Variants in SLC35F3 observed in about 807,000 individuals in gnomAD.
The protein encoded by SLC35F3 is putative thiamine transporter SLC35F3.
Under a neutral mutation model 49.9 loss-of-function variants are expected in SLC35F3, and 25 were observed. That is an observed-to-expected ratio of 0.50 (90% confidence interval 0.37 to 0.70). The LOEUF is 0.70. Among genes scored for constraint, SLC35F3 ranks in the 30% least tolerant of loss-of-function variants. The pLI is 0.00. For synonymous variants in SLC35F3, 275 were observed against 265.4 expected, an observed-to-expected ratio of 1.04 and a Z score of -0.35; for missense variants, 525 against 639.8, an observed-to-expected ratio of 0.82 and a Z score of 1.94.
At chr1:234,133,479 A>G (rs1665763211) in intron 2 of SLC35F3, among the ~76,000 whole-genome samples, 1 of 152,174 alleles carries the variant, frequency 6.6e-6, no homozygotes, top group Non-Finnish European at 1.5e-5. Flanking sequence ...CCAGCAGCTC[A>G]TAGTCAAGTT....
chr1:234,293,915 C>T (rs796465824), intron 3 of SLC35F3, among the ~76,000 whole-genome samples: 47 of 152,318 alleles, frequency 3.1e-4, no homozygotes, highest in African/African-American at 1.1e-3. Flanking sequence ...GGGTCATCTT[C>T]GTCTTACTCC....
intron 2 of SLC35F3, among the ~76,000 whole-genome samples, chr1:233,968,653 T>G (rs1662940458): frequency 6.6e-6 from 1 of 152,046 alleles, no homozygotes; most frequent in South Asian, 2.1e-4. Flanking sequence ...CCCTGCTAAC[T>G]TTTGTATTTT....
At chr1:233,934,269 T>A (rs1403789604) in intron 2 of SLC35F3, among the ~76,000 whole-genome samples, 4 of 152,208 alleles carry the variant, frequency 2.6e-5, no homozygotes, top group African/African-American at 9.7e-5. Flanking sequence ...CCCCAGGGGT[T>A]AATATTCAGT....
intron 2 of SLC35F3, among the ~76,000 whole-genome samples, chr1:234,059,606 T>G (rs1664508271): frequency 3.4e-5 from 5 of 148,272 alleles, no homozygotes; most frequent in African/African-American, 9.8e-5. Context: ...GCTAGAGACA[T>G]AGACATAGAC....
In SLC35F3 at chr1:234,138,607, G is replaced by A. The variant is rs115282822; in HGVS notation, c.284-92810G>A. Among the ~76,000 whole-genome samples, 820 of 152,316 alleles carry A rather than the reference G, an allele frequency of 5.4e-3. 9 individuals carry two copies. The highest frequency in any genetic ancestry group is 0.019 in the African/African-American group (783 of 41,584). Reference sequence around the variant, plus strand: ...GTCTTGCTCTGTCATCCAGGCTGGAGTGCAGTCATAGCTCACGGCAGCCTT... The same window carrying A: ...GTCTTGCTCTGTCATCCAGGCTGGAATGCAGTCATAGCTCACGGCAGCCTT... On this transcript the variant is annotated intron_variant, in intron 2 of 7. Coordinates refer to ENST00000366618, the MANE Select transcript of SLC35F3 (RefSeq NM_173508.4).
intron 2 of SLC35F3, among the ~76,000 whole-genome samples, chr1:234,109,121 C>A (rs1665367410): frequency 6.6e-6 from 1 of 150,768 alleles, no homozygotes; most frequent in Admixed American, 6.6e-5. Flanking sequence ...CTGCTGTGAG[C>A]AGTCTTCTTT....
intron 3 of SLC35F3, among the ~76,000 whole-genome samples, chr1:234,295,926 C>G (rs1483319713): frequency 3.3e-5 from 5 of 152,200 alleles, no homozygotes; most frequent in African/African-American, 1.2e-4. Context: ...GGTCCACACA[C>G]TCTGCTGTGT....
intron 2 of SLC35F3, among the ~76,000 whole-genome samples, chr1:234,003,287 C>G (rs1456267321): frequency 6.6e-6 from 1 of 152,178 alleles, no homozygotes; most frequent in Non-Finnish European, 1.5e-5. Context: ...GTCTCCATAT[C>G]AGGACCTGAG....
intron 2 of SLC35F3, among the ~76,000 whole-genome samples, chr1:234,194,340 A>G (rs969883953): frequency 6.6e-6 from 1 of 152,222 alleles, no homozygotes; most frequent in Non-Finnish European, 1.5e-5. Flanking sequence ...GAAGTGACTC[A>G]GGAATGAAAA....
rs150833699 is a variant in SLC35F3, at chr1:233,963,095, G to A, written c.283+57337G>A. On this transcript the variant is annotated intron_variant, in intron 2 of 7. Coordinates refer to ENST00000366618, the MANE Select transcript of SLC35F3 (RefSeq NM_173508.4). ...AGCCCTGTGACTCATTCCAGCCCTC[G>A]GTAGCTATCTTTTCTTTTGCTCTTG... Among the ~76,000 whole-genome samples the A allele has an allele frequency of 1.5e-4, 23 of 152,238 alleles. No homozygotes were observed. The East Asian group carries it at 2.3e-3, about 15-fold the overall frequency.
chr1:234,321,829 A>C (rs1657626822), intron 7 of SLC35F3, among the ~76,000 whole-genome samples: 1 of 152,068 alleles, frequency 6.6e-6, no homozygotes, highest in Non-Finnish European at 1.5e-5. Flanking sequence ...TGCTCAAGGG[A>C]CTGGCTGGTT....
intron 2 of SLC35F3, among the ~76,000 whole-genome samples, chr1:234,034,537 T>C (rs1370913314): frequency 6.6e-6 from 1 of 152,210 alleles, no homozygotes; most frequent in Non-Finnish European, 1.5e-5. Context: ...ATTTATTTTT[T>C]GAGACAGAGT....
intron 2 of SLC35F3, among the ~76,000 whole-genome samples, chr1:234,134,483 G>T (rs2102899768): frequency 1.4e-5 from 2 of 148,044 alleles, no homozygotes; most frequent in East Asian, 2.0e-4. Context: ...ATAAAATATA[G>T]ATTATATTTG....
intron 3 of SLC35F3, among the ~76,000 whole-genome samples, chr1:234,263,113 C>T (rs755061082): frequency 8.5e-5 from 13 of 152,152 alleles, no homozygotes; most frequent in Non-Finnish European, 5.9e-5. Flanking sequence ...CCTCAGATGA[C>T]TGATCCTGCT....
intron 2 of SLC35F3, among the ~76,000 whole-genome samples, chr1:234,008,877 G>A (rs965461104): frequency 2.0e-5 from 3 of 152,180 alleles, no homozygotes; most frequent in African/African-American, 7.2e-5. Context: ...TCTGTTCCAA[G>A]TTTTTGGTGG....
intron 2 of SLC35F3, among the ~76,000 whole-genome samples, chr1:234,143,932 G>T (rs1300289254): frequency 6.6e-6 from 1 of 152,140 alleles, no homozygotes; most frequent in East Asian, 1.9e-4. Context: ...GTTTACAGGG[G>T]TCACAGGGTA....
chr1:234,118,075 A>T (rs1665520140), intron 2 of SLC35F3, among the ~76,000 whole-genome samples: 1 of 151,916 alleles, frequency 6.6e-6, no homozygotes, highest in South Asian at 2.1e-4. Flanking sequence ...TGGGATATCC[A>T]GACTCAATTG....
chr1:234,285,026 C>A, intron 3 of SLC35F3: 2 of 179,046 alleles, frequency 1.1e-5, no homozygotes, highest in Non-Finnish European at 2.3e-5. Context: ...TGTCAACATC[C>A]CTCCGAAGAG....
chr1:234,193,018 C>A (rs1322052311), intron 2 of SLC35F3, among the ~76,000 whole-genome samples: 2 of 152,290 alleles, frequency 1.3e-5, no homozygotes, highest in South Asian at 4.1e-4. Flanking sequence ...AATGACCATA[C>A]TGCCAAAAGC....
Sources: allele counts gnomAD v4.1 joint callset (sites outside exome capture counted in the v4.1 genomes callset), GRCh38; gene constraint gnomAD v4.1.1; transcripts MANE v1.5; gene names NCBI Gene and HGNC (gene_info 2026-07-23, HGNC 2026-07-21).